Variants in SLC2A13 observed in about 807,000 individuals in gnomAD.
The protein encoded by SLC2A13 is solute carrier family 2 member 13.
SLC2A13 carries 32 observed loss-of-function variants against 64.4 expected under a neutral mutation model. The observed-to-expected ratio is 0.50, with a 90% CI of 0.37 to 0.67. The LOEUF is 0.67. Ranked by LOEUF, SLC2A13 falls within the 30% of genes least tolerant of loss-of-function variation. SLC2A13 has a pLI of 0.00. For synonymous variants in SLC2A13, 338 were observed against 327.1 expected (o/e 1.03, Z -0.36); for missense variants, 743 against 829.2 (o/e 0.90, Z 1.28).
rs114458858 is a variant in SLC2A13, at chr12:39,884,793, A to T, written c.1035-12832T>A. Among the ~76,000 whole-genome samples the T allele has an allele frequency of 5.9e-3, 893 of 152,330 alleles. 10 individuals are homozygous for T. The highest frequency in any genetic ancestry group is 0.021 in the African/African-American group (856 of 41,576). On this transcript the variant is annotated intron_variant, in intron 4 of 9. Coordinates refer to ENST00000280871, the MANE Select transcript of SLC2A13 (RefSeq NM_052885.4). ...TTAATCAGTGATGCCAATTAGCCAC[A>T]GTACTGTTTCTCATGTCCCAAGATT... is the stretch of plus-strand genomic sequence containing the variant.
At chr12:39,971,053 T>C (rs1946638707) in intron 3 of SLC2A13, among the ~76,000 whole-genome samples, 1 of 152,196 alleles carries the variant, frequency 6.6e-6, no homozygotes, top group Non-Finnish European at 1.5e-5. Context: ...TCCCCTAGTG[T>C]TGATTTTCTC....
intron 1 of SLC2A13, chr12:40,068,242 T>C: frequency 3.1e-6 from 1 of 326,092 alleles, no homozygotes; most frequent in Non-Finnish European, 5.9e-6. Flanking sequence ...TTTTGCTTGG[T>C]TTACTTTTCA....
In SLC2A13 at chr12:39,918,362, C is replaced by CTTTTTTTTT. The variant is rs5797644; in HGVS notation, c.1034+32886_1034+32894dup. Among the ~76,000 whole-genome samples the CTTTTTTTTT allele has an allele frequency of 2.7e-5, 4 of 147,306 alleles. 1 individual carries two copies. ...GAATGTATAACAGAACAGAAGTTTC[C>CTTTTTTTTT]TTTTTTTTTTTTTTTCGGTACGAAA... On this transcript the variant is annotated intron_variant, in intron 4 of 9. Transcript: ENST00000280871.
chr12:40,053,450 C>T (rs1948291131), intron 1 of SLC2A13, among the ~76,000 whole-genome samples: 1 of 152,054 alleles, frequency 6.6e-6, no homozygotes, highest in Non-Finnish European at 1.5e-5. Context: ...GATCTAGGTC[C>T]TCTAACCTTT....
At position 40,028,505 on chromosome 12, in the gene SLC2A13, T is replaced by G. The variant is rs770129674; in HGVS notation, c.721A>C (p.Met241Leu). The G allele has an allele frequency of 6.2e-7, 1 of 1,612,986 alleles. No individual in the cohort carries two copies. Among genetic ancestry groups the G allele is most frequent in the East Asian group, 2.2e-5 (1 of 44,878 alleles). ...SYLQKDGWRY[M>L]LGLAAVPAVI... Reference sequence around the variant, plus strand: ...GCCGGAACTGCTGCAAGTCCCAACATGTACCTGCAAAGAAAAAAAATCCAC... The same window carrying G: ...GCCGGAACTGCTGCAAGTCCCAACAGGTACCTGCAAAGAAAAAAAATCCAC... The change falls in exon 3 of 10, where the codon ATG becomes CTG. Residue 241 changes from methionine (M) to leucine (L), a missense_variant. Met to Leu is a conservative substitution (Grantham distance 15, BLOSUM62 2). Coordinates refer to ENST00000280871, the MANE Select transcript of SLC2A13 (RefSeq NM_052885.4).
chr12:39,771,696 C>G (rs1478455064), intron 7 of SLC2A13, among the ~76,000 whole-genome samples: 2 of 152,032 alleles, frequency 1.3e-5, no homozygotes, highest in African/African-American at 4.8e-5. Flanking sequence ...TCCTGATTTT[C>G]CTGCTCCTAT....
intron 1 of SLC2A13, among the ~76,000 whole-genome samples, chr12:40,098,312 G>A (rs1939032102): frequency 6.6e-6 from 1 of 152,184 alleles, no homozygotes. Flanking sequence ...ACAGAAGGTA[G>A]AAAGGTGGGT....
chr12:40,012,677 A>T (rs1156576775), intron 3 of SLC2A13, among the ~76,000 whole-genome samples: 1 of 152,190 alleles, frequency 6.6e-6, no homozygotes, highest in Non-Finnish European at 1.5e-5. Flanking sequence ...CTTTTTCAAC[A>T]TTCTTCCAAA....
intron 9 of SLC2A13, among the ~76,000 whole-genome samples, chr12:39,763,688 C>A (rs1940247143): frequency 6.6e-6 from 1 of 152,096 alleles, no homozygotes; most frequent in Admixed American, 6.6e-5. Context: ...TCCGTCTCTA[C>A]CACATGGACT....
intron 6 of SLC2A13, among the ~76,000 whole-genome samples, chr12:39,846,174 A>T (rs1483464866): frequency 6.6e-6 from 1 of 152,154 alleles, no homozygotes; most frequent in Non-Finnish European, 1.5e-5. Context: ...AGATAAGATC[A>T]TTGTTCTGCT....
At chr12:39,767,583 T>C (rs1940406744) in intron 7 of SLC2A13, among the ~76,000 whole-genome samples, 1 of 152,172 alleles carries the variant, frequency 6.6e-6, no homozygotes, top group Non-Finnish European at 1.5e-5. Flanking sequence ...GAGTCCTGGA[T>C]GGTATCTTCT....
intron 3 of SLC2A13, among the ~76,000 whole-genome samples, chr12:39,964,918 G>C (rs930667215): frequency 7.8e-6 from 1 of 127,934 alleles, no homozygotes; most frequent in Non-Finnish European, 1.7e-5. Context: ...TTAGTGGAAA[G>C]GCTGATCTAC....
chr12:39,820,098 TA>T (rs1193339581), intron 7 of SLC2A13, among the ~76,000 whole-genome samples: 3 of 152,086 alleles, frequency 2.0e-5, no homozygotes, highest in South Asian at 4.1e-4. Flanking sequence ...CTTTCCCCTA[TA>T]ACTCATTTAC....
chr12:39,777,195 T>C (rs1234597002), intron 7 of SLC2A13, among the ~76,000 whole-genome samples: 2 of 152,194 alleles, frequency 1.3e-5, no homozygotes, highest in South Asian at 2.1e-4. Flanking sequence ...CTTGCCATAA[T>C]GAGCCAATCA....
At chr12:39,820,065 T>C (rs188666225) in intron 7 of SLC2A13, among the ~76,000 whole-genome samples, 47 of 152,252 alleles carry the variant, frequency 3.1e-4, no homozygotes, top group African/African-American at 1.1e-3. Flanking sequence ...GGTTTGTCCA[T>C]GCAGAACAGC....
chr12:39,958,098 T>C (rs947751947), intron 3 of SLC2A13, among the ~76,000 whole-genome samples: 3 of 152,356 alleles, frequency 2.0e-5, no homozygotes, highest in African/African-American at 7.2e-5. Flanking sequence ...AATTTCAAAG[T>C]AAATCAAGAT....
At chr12:39,779,612 T>C (rs978405002) in intron 7 of SLC2A13, among the ~76,000 whole-genome samples, 4 of 152,254 alleles carry the variant, frequency 2.6e-5, no homozygotes, top group African/African-American at 9.6e-5. Flanking sequence ...TGATCTTTTG[T>C]CATCTGACAA....
At chr12:40,047,796 C>T in intron 2 of SLC2A13, among the ~76,000 whole-genome samples, 1 of 152,116 alleles carries the variant, frequency 6.6e-6, no homozygotes, top group East Asian at 1.9e-4. Context: ...CAAAAGATTG[C>T]ACACAGTGTG....
In SLC2A13 at chr12:40,081,865, T is replaced by C. The variant is rs1938414895; in HGVS notation, c.556+23388A>G. 2.0e-5 allele frequency among the ~76,000 whole-genome samples: 3 copies of C among 152,238 alleles called. No homozygotes were observed. In the South Asian group the frequency reaches 6.2e-4, roughly 31 times the overall value. On this transcript the variant is annotated intron_variant, in intron 1 of 9. Transcript: ENST00000280871. ...CATATAGGGCTTTTTGCTTTTTATA[T>C]TCTTTGATGCCCTTGAGGGTTTGAC...
Sources: allele counts gnomAD v4.1 joint callset (sites outside exome capture counted in the v4.1 genomes callset), GRCh38; gene constraint gnomAD v4.1.1; transcripts MANE v1.5; gene names NCBI Gene and HGNC (gene_info 2026-07-23, HGNC 2026-07-21).